Variants in MAB21L3 observed in about 807,000 individuals in gnomAD.
The protein encoded by MAB21L3 is mab-21 like 3, also known as protein mab-21-like 3.
In MAB21L3, 36 loss-of-function variants were observed where a neutral mutation model predicts 37.7. The ratio of observed to expected loss-of-function variants is 0.96; its 90% CI spans 0.73 to 1.26. The LOEUF (loss-of-function observed/expected upper bound fraction) is 1.26. Among genes scored for constraint, MAB21L3 ranks in the 50% most tolerant of loss-of-function variants. MAB21L3 has a pLI of 0.00. For synonymous variants in MAB21L3, 186 were observed against 176.8 expected (o/e 1.05, Z -0.41); for missense variants, 430 against 447.3 (o/e 0.96, Z 0.35).
At chr1:116,116,125 T>C (rs1167690913) in intron 3 of MAB21L3, among the ~76,000 whole-genome samples, 1 of 152,178 alleles carries the variant, frequency 6.6e-6, no homozygotes, top group Admixed American at 6.5e-5. Context: ...TTCCACACCC[T>C]GAAATGAACT....
rs1660151681 is a variant in MAB21L3, at chr1:116,134,086, A to G, written c.*721A>G. 6.6e-6 allele frequency: 1 copy of G among 151,362 alleles called. No individual in the cohort carries two copies. The highest frequency in any genetic ancestry group is 6.7e-5 in the Admixed American group (1 of 15,006). The allele number at this position is 151,362 out of a possible 1,614,324, so 9.4% of individuals were successfully genotyped here. On this transcript the variant is annotated 3_prime_UTR_variant, in exon 8 of 8. Coordinates refer to ENST00000369500, the MANE Select transcript of MAB21L3 (RefSeq NM_152367.3). ...AGCAGGGAGGGGAATGGTTTTGATG[A>G]TAAGTGTAAGTCAAAGATGAAAGTA...
intron 3 of MAB21L3, among the ~76,000 whole-genome samples, chr1:116,113,797 CTG>C (rs1473627733): frequency 6.6e-6 from 1 of 152,152 alleles, no homozygotes. Context: ...TGCCTGGAAA[CTG>C]TGTGCTGGGG....
rs1040000589 is a variant in MAB21L3, at chr1:116,111,523, C to T, written c.-392+13C>T. 1.3e-5 allele frequency among the ~76,000 whole-genome samples: 2 copies of T among 152,106 alleles called. No individual in the cohort carries two copies. The highest frequency in any genetic ancestry group is 2.9e-5 in the Non-Finnish European group (2 of 68,022). On this transcript the variant is annotated intron_variant, in intron 1 of 7. Coordinates refer to ENST00000369500, the MANE Select transcript of MAB21L3 (RefSeq NM_152367.3). ...ACATTGTTTAAAAGTAAGTAGTGCT[C>T]CCAGAAGGGCTGTAATTTCTTTAGA...
At chr1:116,122,840 T>C (rs1659791069) in intron 4 of MAB21L3, among the ~76,000 whole-genome samples, 1 of 152,252 alleles carries the variant, frequency 6.6e-6, no homozygotes, top group Admixed American at 6.5e-5. Context: ...AGTTGTGCTT[T>C]TGAATTCACA....
At chr1:116,120,427 ACACAAAC>A (rs1659710346) in intron 3 of MAB21L3, among the ~76,000 whole-genome samples, 2 of 124,468 alleles carry the variant, frequency 1.6e-5, no homozygotes, top group South Asian at 4.4e-4. Context: ...ACACACACAC[ACACAAAC>A]ACACACACAC....
intron 3 of MAB21L3, 94 bp downstream of exon 3, chr1:116,112,757 A>G (rs1659466305): frequency 7.8e-7 from 1 of 1,281,436 alleles, no homozygotes; most frequent in East Asian, 2.3e-5. Context: ...GGCTCTTTCT[A>G]AAGACACATA....
chr1:116,124,658 G>A (rs1425786231), intron 5 of MAB21L3, among the ~76,000 whole-genome samples: 1 of 152,064 alleles, frequency 6.6e-6, no homozygotes, highest in Non-Finnish European at 1.5e-5. Context: ...TAAGCGTATT[G>A]TTTTTTAAAA....
chr1:116,127,731 G>C lies in MAB21L3; in HGVS notation c.660+87G>C, dbSNP rs561775747. Reference sequence around the variant, plus strand: ...CATTACTGACTGCCAATGAGTTTCCGAAGGAAAGTTGAGGTGTTACTAGAT... The same window carrying C: ...CATTACTGACTGCCAATGAGTTTCCCAAGGAAAGTTGAGGTGTTACTAGAT... On this transcript the variant is annotated intron_variant, in intron 6 of 7. Transcript: ENST00000369500. 6.0e-4 allele frequency: 828 copies of C among 1,381,990 alleles called. 7 individuals carry two copies. The South Asian group carries it at 8.3e-3, about 14-fold the overall frequency. 85.6% of individuals were successfully genotyped at this position (1,381,990 alleles called of 1,614,324 possible).
intron 3 of MAB21L3, among the ~76,000 whole-genome samples, chr1:116,118,730 G>T (rs182056551): frequency 6.6e-6 from 1 of 152,124 alleles, no homozygotes; most frequent in Non-Finnish European, 1.5e-5. Flanking sequence ...CTCTTTGTGC[G>T]CCTCAGGCCT....
At chr1:116,118,974 G>T (rs1251489982) in intron 3 of MAB21L3, among the ~76,000 whole-genome samples, 1 of 152,150 alleles carries the variant, frequency 6.6e-6, no homozygotes. Context: ...GTCTTGCTTT[G>T]TCAAGTTATC....
chr1:116,127,687 A>G (rs1659948914), intron 6 of MAB21L3, 43 bp downstream of exon 6: 2 of 1,567,698 alleles, frequency 1.3e-6, no homozygotes, highest in Non-Finnish European at 1.7e-6. Flanking sequence ...AGTGATGCCA[A>G]CAGCTTAACC....
Position 116,135,788 on chromosome 1 carries a change from G to C in MAB21L3, c.*2423G>C, listed in dbSNP as rs998255458. ...CAAAAAGCTTATCCACCATGATCAAGTGGGCTTCATCCCTGGGATGCAAGG... is the reference window on the plus strand; with the variant it reads ...CAAAAAGCTTATCCACCATGATCAACTGGGCTTCATCCCTGGGATGCAAGG... On this transcript the variant is annotated 3_prime_UTR_variant, in exon 8 of 8. Coordinates refer to ENST00000369500, the MANE Select transcript of MAB21L3 (RefSeq NM_152367.3). Among the ~76,000 whole-genome samples the C allele has an allele frequency of 6.6e-6, 1 of 151,946 alleles. No individual in the cohort carries two copies. The highest frequency in any genetic ancestry group is 1.5e-5 in the Non-Finnish European group (1 of 67,946).
rs1296975893 is a variant in MAB21L3 at position 116,133,237 on chromosome 1, C to T, written c.961C>T (p.Gln321Ter). The change falls in exon 8 of 8, where the codon CAG becomes TAG. Residue 321 changes from glutamine to a stop codon, truncating the protein, a stop_gained. Coordinates refer to ENST00000369500, the MANE Select transcript of MAB21L3 (RefSeq NM_152367.3). LOFTEE classifies it high-confidence loss of function. Reference protein sequence around the residue: ...LVRKLHKCVSQHFLKHYFVRN... With the variant: ...LVRKLHKCVS ...GAGGAAACTGCACAAGTGCGTGAGC[C>T]AGCACTTCCTGAAACACTATTTCGT... 6.2e-7 allele frequency: 1 copy of T among 1,614,080 alleles called. No homozygotes were observed. Among genetic ancestry groups the T allele is most frequent in the African/African-American group, 1.3e-5 (1 of 74,944 alleles).
chr1:116,121,921 A>G (rs1381697023), intron 4 of MAB21L3, among the ~76,000 whole-genome samples: 1 of 152,192 alleles, frequency 6.6e-6, no homozygotes, highest in Non-Finnish European at 1.5e-5. Context: ...CTTTATCTCG[A>G]TTTTTATTAT....
intron 3 of MAB21L3, among the ~76,000 whole-genome samples, chr1:116,120,431 AAACAC>A (rs1659712002): frequency 7.5e-6 from 1 of 133,074 alleles, no homozygotes; most frequent in African/African-American, 3.9e-5. Flanking sequence ...ACACACACAC[AAACAC>A]ACACACACAC....
At chr1:116,115,081 C>A (rs2101607717) in intron 3 of MAB21L3, among the ~76,000 whole-genome samples, 1 of 152,248 alleles carries the variant, frequency 6.6e-6, no homozygotes, top group African/African-American at 2.4e-5. Flanking sequence ...CTTTGGGAAC[C>A]TGGGCAAATT....
At chr1:116,117,921 T>C (rs1175917524) in intron 3 of MAB21L3, among the ~76,000 whole-genome samples, 1 of 152,192 alleles carries the variant, frequency 6.6e-6, no homozygotes, top group African/African-American at 2.4e-5. Context: ...TGGATGTGCA[T>C]GACTCCTTTT....
Position 116,117,158 on chromosome 1 carries a change from C to CATATATATATATATATATATATAT in MAB21L3, c.49-3771_49-3770insTATATATATATATATATATATATA. ...TTATTAACTCAGGAATCAAAATATA[C>CATATATATATATATATATATATAT]ATACATATATATATATATATATATA... On this transcript the variant is annotated intron_variant, in intron 3 of 7. Transcript: ENST00000369500. Among the ~76,000 whole-genome samples, 4 of 86,068 alleles carry CATATATATATATATATATATATAT rather than the reference C, an allele frequency of 4.6e-5. No homozygotes were observed. The East Asian group carries it at 1.1e-3, about 24-fold the overall frequency. The allele number at this position is 86,068 out of a possible 152,430, so 56.5% of individuals were successfully genotyped here.
In MAB21L3 at chr1:116,112,672, A is replaced by G. The variant is rs949370013; in HGVS notation, c.48+9A>G. On this transcript the variant is annotated intron_variant, in intron 3 of 7. Coordinates refer to ENST00000369500, the MANE Select transcript of MAB21L3 (RefSeq NM_152367.3). ...ATTGCCTACTGAATAAGGTAAGGACAGACCCGGTCTCTCCCATGAACCCCC... is the reference window on the plus strand; with the variant it reads ...ATTGCCTACTGAATAAGGTAAGGACGGACCCGGTCTCTCCCATGAACCCCC... 6.2e-7 allele frequency: 1 copy of G among 1,613,814 alleles called. No individual in the cohort carries two copies. Among genetic ancestry groups the G allele is most frequent in the Non-Finnish European group, 8.5e-7 (1 of 1,179,766 alleles).
Sources: allele counts gnomAD v4.1 joint callset (sites outside exome capture counted in the v4.1 genomes callset), GRCh38; gene constraint gnomAD v4.1.1; transcripts MANE v1.5; gene names NCBI Gene and HGNC (gene_info 2026-07-23, HGNC 2026-07-21).